Variants in CCDC192 observed in about 807,000 individuals in gnomAD.
CCDC192 encodes the protein coiled-coil domain containing 192.
intron 6 of CCDC192, among the ~76,000 whole-genome samples, chr5:127,915,313 G>T (rs1753487852): frequency 1.3e-5 from 2 of 152,202 alleles, no homozygotes; most frequent in African/African-American, 2.4e-5. Context: ...TGCTGATAGA[G>T]CAACCTGCTG....
chr5:127,752,406 C>T (rs1392521771), intron 2 of CCDC192, among the ~76,000 whole-genome samples: 1 of 152,118 alleles, frequency 6.6e-6, no homozygotes, highest in Admixed American at 6.6e-5. Flanking sequence ...CTGGAGGGTG[C>T]CTCCCAGTTA....
chr5:127,765,064 G>A lies in CCDC192; in HGVS notation c.222+10689G>A, dbSNP rs146862698. On this transcript the variant is annotated intron_variant, in intron 3 of 6. Transcript: ENST00000514853. Reference sequence around the variant, plus strand: ...GTGTATAGTGACATGCAGTGGTCTAGTACAGAGGTCTTCAAAATTTTGTCC... The same window carrying A: ...GTGTATAGTGACATGCAGTGGTCTAATACAGAGGTCTTCAAAATTTTGTCC... Among the ~76,000 whole-genome samples, 1,067 of 152,306 alleles carry A rather than the reference G, an allele frequency of 7.0e-3. 15 individuals carry two copies. The highest frequency in any genetic ancestry group is 0.024 in the African/African-American group (1,008 of 41,578).
At chr5:127,811,875 C>T (rs1186743567) in intron 5 of CCDC192, among the ~76,000 whole-genome samples, 5 of 152,192 alleles carry the variant, frequency 3.3e-5, no homozygotes, top group Non-Finnish European at 5.9e-5. Context: ...TATACACACC[C>T]TCCATACACA....
At chr5:127,863,642 A>G (rs1260280193) in intron 5 of CCDC192, among the ~76,000 whole-genome samples, 1 of 152,232 alleles carries the variant, frequency 6.6e-6, no homozygotes, top group Non-Finnish European at 1.5e-5. Context: ...CAATGTGCCT[A>G]TATGTAATAC....
intron 6 of CCDC192, among the ~76,000 whole-genome samples, chr5:127,908,981 T>C (rs1322818249): frequency 1.3e-5 from 2 of 152,238 alleles, no homozygotes; most frequent in Non-Finnish European, 2.9e-5. Context: ...AACTTTATTA[T>C]TGTTCAATTT....
chr5:127,756,549 G>T (rs1228156), intron 3 of CCDC192, among the ~76,000 whole-genome samples: 41,775 of 152,068 alleles, frequency 0.27, 6,512 homozygotes, highest in South Asian at 0.43. Context: ...CTGATCCATC[G>T]AGTGCAGGAT....
chr5:127,834,593 T>C (rs966059394), intron 5 of CCDC192, among the ~76,000 whole-genome samples: 2 of 152,166 alleles, frequency 1.3e-5, no homozygotes, highest in African/African-American at 4.8e-5. Context: ...GCGATATTCA[T>C]AGTATCTTTG....
At chr5:127,915,164 G>C (rs1753482948) in intron 6 of CCDC192, among the ~76,000 whole-genome samples, 1 of 152,078 alleles carries the variant, frequency 6.6e-6, no homozygotes. Flanking sequence ...ACATATAAAA[G>C]TTATGTTCAC....
At chr5:127,793,135 TA>T (rs753842289) in intron 3 of CCDC192, among the ~76,000 whole-genome samples, 3 of 151,182 alleles carry the variant, frequency 2.0e-5, no homozygotes, top group South Asian at 2.1e-4. Context: ...TTTCTGAATC[TA>T]AAAAAAAAGT....
At chr5:127,904,495 C>CTTT (rs11344791) in intron 6 of CCDC192, among the ~76,000 whole-genome samples, 54 of 115,814 alleles carry the variant, frequency 4.7e-4, no homozygotes, top group East Asian at 7.4e-4. Context: ...TTGGCAGAGA[C>CTTT]TTTTTTTTTT....
At chr5:127,884,061 C>T (rs1002710852) in intron 6 of CCDC192, among the ~76,000 whole-genome samples, 4 of 151,970 alleles carry the variant, frequency 2.6e-5, no homozygotes, top group East Asian at 1.9e-4. Context: ...ACCACTTCCC[C>T]GTTCTTTCAG....
intron 2 of CCDC192, among the ~76,000 whole-genome samples, chr5:127,724,744 G>A (rs1039806274): frequency 2.6e-5 from 4 of 151,664 alleles, no homozygotes; most frequent in African/African-American, 9.7e-5. Flanking sequence ...AGCTACCTGG[G>A]AGGCTGAGAC....
chr5:127,708,809 G>A (rs1207464027), intron 2 of CCDC192, among the ~76,000 whole-genome samples: 1 of 152,106 alleles, frequency 6.6e-6, no homozygotes, highest in Non-Finnish European at 1.5e-5. Context: ...GCTTCCGTGT[G>A]GGCCAGGGGA....
intron 6 of CCDC192, among the ~76,000 whole-genome samples, chr5:127,911,782 C>T (rs1753363310): frequency 6.8e-6 from 1 of 147,348 alleles, no homozygotes; most frequent in Admixed American, 6.9e-5. Context: ...TCATAGCTCT[C>T]TGCAGCCTTG....
At chr5:127,773,698 C>T (rs532692442) in intron 3 of CCDC192, among the ~76,000 whole-genome samples, 2 of 152,134 alleles carry the variant, frequency 1.3e-5, no homozygotes, top group South Asian at 4.1e-4. Context: ...CATTTGGTTT[C>T]CAACTTTTAG....
intron 3 of CCDC192, chr5:127,786,138 G>T (rs890028672): frequency 1.8e-6 from 2 of 1,084,440 alleles, no homozygotes; most frequent in South Asian, 1.3e-5. Flanking sequence ...GAAGTTCTGT[G>T]TGGAAAATTT....
intron 6 of CCDC192, among the ~76,000 whole-genome samples, chr5:127,917,593 C>T (rs187237969): frequency 2.0e-5 from 3 of 152,056 alleles, no homozygotes; most frequent in Admixed American, 6.5e-5. Context: ...AATAGAGAGG[C>T]CAGAGAAGAG....
chr5:127,877,355 A>AT (rs35696200), intron 6 of CCDC192, among the ~76,000 whole-genome samples: 12 of 32,146 alleles, frequency 3.7e-4, no homozygotes, highest in East Asian at 2.0e-3. Flanking sequence ...ATTTTTGTGG[A>AT]TTTTTTTTTT....
At chr5:127,779,517 G>C (rs998703868) in intron 3 of CCDC192, among the ~76,000 whole-genome samples, 1 of 151,832 alleles carries the variant, frequency 6.6e-6, no homozygotes, top group African/African-American at 2.4e-5. Context: ...GGACAGTCTC[G>C]ATCTCCTGAC....
Sources: allele counts gnomAD v4.1 joint callset (sites outside exome capture counted in the v4.1 genomes callset), GRCh38; gene constraint gnomAD v4.1.1; transcripts MANE v1.5; gene names NCBI Gene and HGNC (gene_info 2026-07-23, HGNC 2026-07-21).